LCOR: variants seen among roughly 807,000 people sequenced by gnomAD.
The protein encoded by LCOR is ligand dependent nuclear receptor corepressor, also known as ligand-dependent corepressor.
Under a neutral mutation model 64.4 loss-of-function variants are expected in LCOR, and 14 were observed. The observed-to-expected ratio is 0.22, with a 90% CI of 0.14 to 0.34. LCOR has a LOEUF of 0.34. LCOR is among the 10% of genes least tolerant of loss of function. LCOR has a pLI of 1.00. For synonymous variants in LCOR, 643 were observed against 642.5 expected (o/e 1.00, Z -0.01); for missense variants, 1,686 against 1,765.3 (o/e 0.96, Z 0.80).
At chr10:96,962,346 A>G (rs1275526482) in intron 7 of LCOR, 2 of 152,194 alleles carry the variant, frequency 1.3e-5, no homozygotes, top group Non-Finnish European at 2.9e-5. Context: ...TTAAGTCTTC[A>G]GGGAATGAGC....
At chr10:96,926,032 T>A (rs1458241974) in intron 4 of LCOR, among the ~76,000 whole-genome samples, 2 of 152,220 alleles carry the variant, frequency 1.3e-5, no homozygotes, top group Non-Finnish European at 2.9e-5. Flanking sequence ...GTCCCAGGCT[T>A]TTTATGAGCA....
rs144009160 is a variant in LCOR at position 96,955,273 on chromosome 10, T to G, written c.332+3077T>G. The stretch of plus-strand genomic sequence containing the variant: ...AGGGGAAATGGTGCACTCAGCAACA[T>G]CAGTGACCTTCCTTTTCTTGCAGAA... On this transcript the variant is annotated intron_variant, in intron 7 of 7. Transcript: ENST00000421806. 6.2e-7 allele frequency: 1 copy of G among 1,614,004 alleles called. No individual in the cohort carries two copies. Among genetic ancestry groups the G allele is most frequent in the South Asian group, 1.1e-5 (1 of 91,082 alleles).
intron 4 of LCOR, among the ~76,000 whole-genome samples, chr10:96,930,320 GT>G (rs113172922): frequency 0.14 from 21,361 of 151,998 alleles, 2,081 homozygotes; most frequent in African/African-American, 0.27. Flanking sequence ...GAGTCTTCCA[GT>G]TTTTTAGTTT....
At chr10:96,925,701 C>T (rs1310112646) in intron 4 of LCOR, among the ~76,000 whole-genome samples, 2 of 152,034 alleles carry the variant, frequency 1.3e-5, no homozygotes, top group African/African-American at 4.8e-5. Flanking sequence ...CTATTTTCCC[C>T]TTTATAATAA....
rs1207707164 is a variant in LCOR, at chr10:96,981,153, C to A, written c.693C>A (p.Asn231Lys). 5.6e-6 allele frequency: 4 copies of A among 709,922 alleles called. No homozygotes were observed. The highest frequency in any genetic ancestry group is 2.7e-5 in the East Asian group (1 of 37,332). The allele number at this position is 709,922 out of a possible 1,614,324, so 44.0% of individuals were successfully genotyped here. The part of the protein sequence containing the change: ...QTPKKPPPEI[N>K]PVDGRENALT... ...CGAAGAAGCCTCCTCCTGAGATAAA[C>A]CCTGTAGATGGAAGAGAGAATGCCT... Residue 231 changes from asparagine (N) to lysine (K), a missense_variant, in exon 8 of 8, where the codon AAC (asparagine) becomes AAA (lysine). Asn to Lys is a moderately conservative substitution (Grantham distance 94). Transcript: ENST00000421806.
At chr10:96,921,029 C>A (rs574771684) in intron 4 of LCOR, among the ~76,000 whole-genome samples, 1 of 152,108 alleles carries the variant, frequency 6.6e-6, no homozygotes, top group East Asian at 1.9e-4. Context: ...AACTCCTAGA[C>A]TCAAGAACTC....
At chr10:96,899,121 A>G (rs1006291398) in intron 2 of LCOR, among the ~76,000 whole-genome samples, 1 of 152,302 alleles carries the variant, frequency 6.6e-6, no homozygotes, top group East Asian at 1.9e-4. Flanking sequence ...GACGAAATCT[A>G]TGATTGAGAT....
chr10:96,994,853 C>T lies in LCOR; in HGVS notation c.*9719C>T, dbSNP rs1848229777. On this transcript the variant is annotated 3_prime_UTR_variant, in exon 8 of 8. Transcript: ENST00000421806. ...AGTAGTTTTCAAAATTGAGCTCCTC[C>T]AAGGTCATTGGCCAATGCTGTGTGC... 1 of 152,204 alleles carries T rather than the reference C, an allele frequency of 6.6e-6. No individual in the cohort carries two copies. The highest frequency in any genetic ancestry group is 1.5e-5 in the Non-Finnish European group (1 of 68,044). The allele number at this position is 152,204 out of a possible 1,614,324, so 9.4% of individuals were successfully genotyped here. A position where few individuals can be genotyped will look rare whatever the true frequency, so the allele number is the denominator to read the frequency against.
chr10:96,873,716 C>T (rs570556506), intron 2 of LCOR, among the ~76,000 whole-genome samples: 1 of 151,162 alleles, frequency 6.6e-6, no homozygotes, highest in Admixed American at 6.6e-5. Flanking sequence ...GATTCTCCTG[C>T]CTCAGCCTCC....
chr10:96,855,743 T>C (rs1374895759), intron 2 of LCOR, among the ~76,000 whole-genome samples: 4 of 148,088 alleles, frequency 2.7e-5, no homozygotes, highest in Non-Finnish European at 6.0e-5. Context: ...GCCTGTCTAA[T>C]GCTTTTGTTT....
chr10:96,935,899 C>T (rs990723542), intron 4 of LCOR, among the ~76,000 whole-genome samples: 1 of 152,252 alleles, frequency 6.6e-6, no homozygotes, highest in African/African-American at 2.4e-5. Context: ...GAAAATCTCA[C>T]ACCTAAAGGT....
At chr10:96,870,007 C>G (rs948813443) in intron 2 of LCOR, among the ~76,000 whole-genome samples, 1 of 152,172 alleles carries the variant, frequency 6.6e-6, no homozygotes, top group Admixed American at 6.5e-5. Flanking sequence ...CAGGGTCTGA[C>G]TTCAGAGCCT....
chr10:96,983,582 A>G lies in LCOR; in HGVS notation c.3122A>G (p.Tyr1041Cys). Residue 1041 changes from tyrosine (Y) to cysteine (C), a missense_variant, in exon 8 of 8, where the codon TAC becomes TGC. Around this residue, in one of 3 missense-constraint regions of LCOR, gnomAD observed 1,293 missense variants for 1,410.4 expected, o/e 0.92. Coordinates refer to ENST00000421806, the MANE Select transcript of LCOR (RefSeq NM_001346516.2). The surrounding 1 kb of genome is among the most constrained non-coding windows in gnomAD (Gnocchi z 4.5). Reference sequence around the variant, plus strand: ...CCTAAAAGATTGACCTCTTCAACCTACAACCTAAGACACGCTCATTCTCTG... The same window carrying G: ...CCTAAAAGATTGACCTCTTCAACCTGCAACCTAAGACACGCTCATTCTCTG... ...PRPKRLTSST[Y>C]NLRHAHSLGS... 6.2e-7 allele frequency: 1 copy of G among 1,614,212 alleles called. No homozygotes were observed.
chr10:96,955,985 TATC>T lies in LCOR; in HGVS notation c.332+3792_332+3794del, dbSNP rs528755762. 2.1e-5 allele frequency: 32 copies of T among 1,535,894 alleles called. No homozygotes were observed. In the South Asian group the frequency reaches 4.1e-4, roughly 19 times the overall value. ...GAGCACTACTGCATCATTGTTCAGC[TATC>T]ATTGCTTGCACGTAATTTCATTTAC... On this transcript the variant is annotated intron_variant, in intron 7 of 7. Transcript: ENST00000421806.
chr10:96,882,116 T>C (rs1402617755), intron 2 of LCOR, among the ~76,000 whole-genome samples: 1 of 152,136 alleles, frequency 6.6e-6, no homozygotes, highest in Non-Finnish European at 1.5e-5. Context: ...AATAACCTCT[T>C]AACATGTTAA....
chr10:96,925,742 C>G (rs370849881), intron 4 of LCOR, among the ~76,000 whole-genome samples: 4 of 152,104 alleles, frequency 2.6e-5, no homozygotes, highest in African/African-American at 9.7e-5. Flanking sequence ...TACTTTGAGG[C>G]TGTATAAACA....
At chr10:96,841,823 C>T (rs1199044667) in intron 2 of LCOR, among the ~76,000 whole-genome samples, 2 of 151,656 alleles carry the variant, frequency 1.3e-5, no homozygotes, top group Non-Finnish European at 2.9e-5. Flanking sequence ...TGGTCTCGAG[C>T]TCCTGGACTC....
At chr10:96,848,772 T>G (rs1258570619) in intron 2 of LCOR, among the ~76,000 whole-genome samples, 1 of 152,184 alleles carries the variant, frequency 6.6e-6, no homozygotes, top group Non-Finnish European at 1.5e-5. Context: ...TACAGGATGT[T>G]CAGTTATTTT....
In LCOR at chr10:96,991,568, T is replaced by C. The variant is rs1488329223; in HGVS notation, c.*6434T>C. 1 of 152,224 alleles carries C rather than the reference T, an allele frequency of 6.6e-6. No individual in the cohort carries two copies. The highest frequency in any genetic ancestry group is 2.4e-5 in the African/African-American group (1 of 41,440). 9.4% of individuals were successfully genotyped at this position (152,224 alleles called of 1,614,324 possible). On this transcript the variant is annotated 3_prime_UTR_variant, in exon 8 of 8. Coordinates refer to ENST00000421806, the MANE Select transcript of LCOR (RefSeq NM_001346516.2). ...CCCCTAGAACCCTTCATTTCTCTTT[T>C]GTATCATATACTTGAAGGTTTCTCA...
Sources: allele counts gnomAD v4.1 joint callset (sites outside exome capture counted in the v4.1 genomes callset), GRCh38; gene constraint gnomAD v4.1.1; regional missense constraint gnomAD v4.1.1; non-coding constraint Gnocchi (gnomAD v3.1); transcripts MANE v1.5; gene names NCBI Gene and HGNC (gene_info 2026-07-23, HGNC 2026-07-21).